Variants in COL17A1 observed in about 807,000 individuals in gnomAD.
COL17A1 encodes the protein collagen type XVII alpha 1 chain.
A neutral mutation model predicts 218.4 loss-of-function variants in COL17A1; 181 were observed. That is an observed-to-expected ratio of 0.83 (90% CI 0.73 to 0.94). The LOEUF (loss-of-function observed/expected upper bound fraction) is 0.94, where lower values mean the gene tolerates loss of function less well. Among genes scored for constraint, COL17A1 ranks in the 40% least tolerant of loss-of-function variants. COL17A1 has a pLI of 0.00. For synonymous variants in COL17A1, 721 were observed against 731.0 expected (o/e 0.99, Z 0.22); for missense variants, 1,924 against 1,945.9 (o/e 0.99, Z 0.21).
At chr10:104,033,808 G>C (rs2086241065) in intron 52 of COL17A1, 137 bp downstream of exon 52, 2 of 1,350,260 alleles carry the variant, frequency 1.5e-6, no homozygotes, top group South Asian at 2.6e-5. Flanking sequence ...AGCTAGGCTG[G>C]GGCTGCCTGT....
At chr10:104,076,172 A>G in intron 5 of COL17A1, 129 bp downstream of exon 5, 2 of 1,434,426 alleles carry the variant, frequency 1.4e-6, no homozygotes, top group Non-Finnish European at 1.9e-6. Context: ...AGTCCATAAA[A>G]GAAATGAAGG....
chr10:104,077,351 G>A (rs1028779606), intron 4 of COL17A1, 71 bp downstream of exon 4: 2 of 1,211,072 alleles, frequency 1.7e-6, no homozygotes, highest in Admixed American at 3.9e-5. Context: ...TGTGTCCTGT[G>A]TAGGACTTTC....
intron 32 of COL17A1, 87 bp downstream of exon 32, chr10:104,046,658 ACT>A: frequency 1.5e-6 from 2 of 1,312,160 alleles, no homozygotes; most frequent in Non-Finnish European, 1.1e-6. Context: ...AGGAGAGGAA[ACT>A]CTGGTGACTG....
intron 15 of COL17A1, 93 bp downstream of exon 15, chr10:104,059,545 G>T: frequency 8.5e-7 from 1 of 1,176,022 alleles, no homozygotes; most frequent in Non-Finnish European, 1.3e-6. Context: ...CTGGCCCGTG[G>T]ACCACACTTT....
chr10:104,064,332 TC>T (rs2086607875), intron 10 of COL17A1, 105 bp downstream of exon 10: 1 of 1,572,090 alleles, frequency 6.4e-7, no homozygotes, highest in South Asian at 1.2e-5. Flanking sequence ...AGAAAGCCTC[TC>T]CAGGAGGCCC....
At chr10:104,063,136 T>A (rs560548253) in intron 11 of COL17A1, among the ~76,000 whole-genome samples, 1 of 152,338 alleles carries the variant, frequency 6.6e-6, no homozygotes, top group East Asian at 1.9e-4. Flanking sequence ...AAGGCCCACA[T>A]CATTATGTTT....
chr10:104,076,323 G>C lies in COL17A1; in HGVS notation c.309C>G (p.His103Gln). ...SPGSTFERKT[H>Q]VTRHAYEGSS... is the part of the protein sequence containing the mutation. ...TACCTTCATACGCATGGCGGGTAAC[G>C]TGAGTTTTCCTTTCAAAGGTTGAGC... The change falls in exon 5 of 56, where the codon CAC becomes CAG. Residue 103 changes from histidine (H) to glutamine (Q), a missense_variant. His to Gln is a conservative substitution (Grantham distance 24, BLOSUM62 0). Coordinates refer to ENST00000648076, the MANE Select transcript of COL17A1 (RefSeq NM_000494.4). 1 of 1,614,178 alleles carries C rather than the reference G, an allele frequency of 6.2e-7. No homozygotes were observed. Among genetic ancestry groups the C allele is most frequent in the Non-Finnish European group, 8.5e-7 (1 of 1,180,010 alleles).
intron 9 of COL17A1, among the ~76,000 whole-genome samples, chr10:104,066,841 A>G (rs1171940267): frequency 6.6e-6 from 1 of 152,258 alleles, no homozygotes; most frequent in African/African-American, 2.4e-5. Flanking sequence ...CAGATGTCTA[A>G]TATGTACCCT....
At chr10:104,036,150 A>G (rs372801619) in intron 48 of COL17A1, among the ~76,000 whole-genome samples, 3 of 232 alleles carry the variant, frequency 0.013, no homozygotes, top group African/African-American at 0.024. Flanking sequence ...GTATGGGTGT[A>G]TGGGAGTGTG....
At chr10:104,065,978 C>T (rs147287331) in intron 9 of COL17A1, among the ~76,000 whole-genome samples, 2 of 152,310 alleles carry the variant, frequency 1.3e-5, no homozygotes, top group East Asian at 3.9e-4. Context: ...ATACTAGGCC[C>T]CTGCTTGGAT....
rs183855442 is a variant in COL17A1, at chr10:104,033,513, A to G, written c.4157-138T>C. ...GCCGCAGCAAGGGTGAAGCCCTCCAACTTCCTTTGTATTCCACTGTGTGAC... is the reference window on the plus strand; with the variant it reads ...GCCGCAGCAAGGGTGAAGCCCTCCAGCTTCCTTTGTATTCCACTGTGTGAC... On this transcript the variant is annotated intron_variant, in intron 52 of 55. Transcript: ENST00000648076. The G allele has an allele frequency of 4.7e-5, 49 of 1,043,078 alleles. No homozygotes were observed. In the African/African-American group the frequency reaches 6.0e-4, roughly 13 times the overall value. 64.6% of individuals were successfully genotyped at this position (1,043,078 alleles called of 1,614,324 possible).
At chr10:104,070,132 T>C (rs2086657459) in intron 9 of COL17A1, among the ~76,000 whole-genome samples, 2 of 152,142 alleles carry the variant, frequency 1.3e-5, no homozygotes, top group South Asian at 2.1e-4. Context: ...CCAATCAATC[T>C]AATAATCAAC....
intron 48 of COL17A1, among the ~76,000 whole-genome samples, chr10:104,036,077 A>AGTGTATGGGTGT (rs2086288742): frequency 8.9e-5 from 4 of 44,718 alleles, no homozygotes; most frequent in Admixed American, 2.3e-4. Context: ...TGTGTATGGG[A>AGTGTATGGGTGT]GTGTGTATGG....
In COL17A1 at chr10:104,035,244, C is replaced by A; in HGVS notation, c.3619+19G>T. 1.2e-6 allele frequency: 2 copies of A among 1,603,388 alleles called. No individual in the cohort carries two copies. Among genetic ancestry groups the A allele is most frequent in the Non-Finnish European group, 1.7e-6 (2 of 1,172,592 alleles). ...GGCTGCATCCCCTGCCCTCCCCATC[C>A]CACTCCACAGTGCCCTACTATGTAA... On this transcript the variant is annotated intron_variant, in intron 50 of 55. Coordinates refer to ENST00000648076, the MANE Select transcript of COL17A1 (RefSeq NM_000494.4).
chr10:104,064,667 C>T, intron 9 of COL17A1, 71 bp from the exon 10 acceptor site: 1 of 1,422,442 alleles, frequency 7.0e-7, no homozygotes, highest in East Asian at 2.4e-5. Flanking sequence ...ATCTAGTCAC[C>T]TCATTTTGCT....
chr10:104,077,608 T>C lies in COL17A1; in HGVS notation c.98-82A>G, dbSNP rs994724741. 5.1e-6 allele frequency: 6 copies of C among 1,165,264 alleles called. No homozygotes were observed. In the African/African-American group the frequency reaches 9.1e-5, roughly 18 times the overall value. 72.2% of individuals were successfully genotyped at this position (1,165,264 alleles called of 1,614,324 possible). ...CTGGTCCCCCACCCTGTGGAAGGCT[T>C]CCCTGGTTTTTCACCAGGACCTTCT... On this transcript the variant is annotated intron_variant, in intron 3 of 55. Transcript: ENST00000648076.
rs574787396 is a variant in COL17A1 at position 104,060,126 on chromosome 10, G to A, written c.1134C>T (p.Ile378=). ...ACACAGGATCTGACGCACTTGCAGCGATGCTGGCAGGGGAGGCTGTAAAGA... is the reference window on the plus strand; with the variant it reads ...ACACAGGATCTGACGCACTTGCAGCAATGCTGGCAGGGGAGGCTGTAAAGA... ...GKVFTASPAS[I]AATSFSEDTL... Residue 378 remains isoleucine, a synonymous_variant, in exon 14 of 56, where the codon ATC becomes ATT. Transcript: ENST00000648076. 21 of 1,614,082 alleles carry A rather than the reference G, an allele frequency of 1.3e-5. No homozygotes were observed. In the East Asian group the frequency reaches 1.3e-4, roughly 10 times the overall value.
At position 104,041,282 on chromosome 10, in the gene COL17A1, A is replaced by G. The variant is rs765930169; in HGVS notation, c.2647+21T>C. 20 of 1,601,468 alleles carry G rather than the reference A, an allele frequency of 1.2e-5. No homozygotes were observed. The South Asian group carries it at 2.2e-4, about 18-fold the overall frequency. ...CTCTCACCTCCCCCTCCCACCTCCC[A>G]GTGGTAAGCTCGGCTCTCACCTGGT... On this transcript the variant is annotated intron_variant, in intron 38 of 55. Transcript: ENST00000648076.
chr10:104,054,143 G>C lies in COL17A1; in HGVS notation c.1745-25C>G, dbSNP rs1189961057. The C allele has an allele frequency of 1.9e-6, 3 of 1,598,854 alleles. No individual in the cohort carries two copies. In the East Asian group the frequency reaches 6.7e-5, roughly 36 times the overall value. On this transcript the variant is annotated intron_variant, in intron 20 of 55. Coordinates refer to ENST00000648076, the MANE Select transcript of COL17A1 (RefSeq NM_000494.4). ...CCTGCAGGAACAAAGGCAAAAGAGA[G>C]AGTGGTCAGCCAGAAGACTGTGCCC...
Sources: allele counts gnomAD v4.1 joint callset (sites outside exome capture counted in the v4.1 genomes callset), GRCh38; gene constraint gnomAD v4.1.1; transcripts MANE v1.5; gene names NCBI Gene and HGNC (gene_info 2026-07-23, HGNC 2026-07-21).